The following USP15 variants were observed in gnomAD, a reference collection of about 807,000 sequenced individuals.
USP15 encodes the protein ubiquitin specific peptidase 15, also known as ubiquitin carboxyl-terminal hydrolase 15.
In USP15, 18 loss-of-function variants were observed where a neutral mutation model predicts 127.1. The ratio of observed to expected loss-of-function variants is 0.14; its 90% CI spans 0.10 to 0.21. The LOEUF is 0.21. Ranked by LOEUF, USP15 falls within the 10% of genes least tolerant of loss-of-function variation. The pLI is 1.00. For synonymous variants in USP15, 364 were observed against 393.7 expected (o/e 0.92, Z 0.89); for missense variants, 805 against 1,159.9 (o/e 0.69, Z 4.44).
chr12:62,305,305 A>G lies in USP15; in HGVS notation c.348+2385A>G, dbSNP rs565974077. ...AAAAAATTTCTAATAATAGCCAGAG[A>G]AAAAGACATGTTATCTTCAAAATAA... On this transcript the variant is annotated intron_variant, in intron 3 of 21. Coordinates refer to ENST00000280377, the MANE Select transcript of USP15 (RefSeq NM_001252078.2). Among the ~76,000 whole-genome samples the G allele has an allele frequency of 5.3e-5, 8 of 152,316 alleles. No homozygotes were observed. In the South Asian group the frequency reaches 1.7e-3, roughly 32 times the overall value.
At chr12:62,369,247 T>C (rs556908651) in intron 8 of USP15, among the ~76,000 whole-genome samples, 1 of 152,368 alleles carries the variant, frequency 6.6e-6, no homozygotes, top group African/African-American at 2.4e-5. Flanking sequence ...TTTTATTTCA[T>C]TTATTAGAGC....
chr12:62,392,359 AAAG>A lies in USP15; in HGVS notation c.2395_2397del (p.Glu799del). The A allele has an allele frequency of 6.2e-7, 1 of 1,604,626 alleles. No individual in the cohort carries two copies. Among genetic ancestry groups the A allele is most frequent in the Non-Finnish European group, 8.5e-7 (1 of 1,176,964 alleles). On this transcript the variant is annotated inframe_deletion, in exon 18 of 22. Coordinates refer to ENST00000280377, the MANE Select transcript of USP15 (RefSeq NM_001252078.2). ...AGATTGCATTGAACTTTTTACAACA[AAAG>A]AAAAGCTAGGTGCTGAAGATCCCTG...
chr12:62,315,045 G>C, intron 4 of USP15, 129 bp downstream of exon 4: 2 of 863,034 alleles, frequency 2.3e-6, no homozygotes, highest in Admixed American at 3.3e-5. Context: ...TTCCAGCTTT[G>C]ATACAATGTC....
chr12:62,264,786 CA>C (rs2063155609), intron 1 of USP15, among the ~76,000 whole-genome samples: 1 of 152,114 alleles, frequency 6.6e-6, no homozygotes, highest in African/African-American at 2.4e-5. Flanking sequence ...CACTATTACT[CA>C]ACATGAATTT....
At chr12:62,268,252 C>T (rs1044475296) in intron 1 of USP15, among the ~76,000 whole-genome samples, 2 of 152,012 alleles carry the variant, frequency 1.3e-5, no homozygotes, top group Non-Finnish European at 2.9e-5. Context: ...AACACTTAGT[C>T]AGTGGTAGAG....
chr12:62,347,955 G>C (rs976873245), intron 6 of USP15, among the ~76,000 whole-genome samples: 1 of 152,114 alleles, frequency 6.6e-6, no homozygotes, highest in African/African-American at 2.4e-5. Context: ...TAGTCCCAGT[G>C]CTTTGGGAGG....
At chr12:62,301,594 A>G (rs954117643) in intron 2 of USP15, among the ~76,000 whole-genome samples, 2 of 152,206 alleles carry the variant, frequency 1.3e-5, no homozygotes, top group Non-Finnish European at 2.9e-5. Context: ...AAAAGAGGAC[A>G]TACTATTTTT....
intron 3 of USP15, among the ~76,000 whole-genome samples, chr12:62,311,334 T>A (rs1481281880): frequency 6.6e-6 from 1 of 151,864 alleles, no homozygotes; most frequent in Non-Finnish European, 1.5e-5. Flanking sequence ...GTCTAGAAGC[T>A]GAAGATGTAG....
In USP15 at chr12:62,408,511, A is replaced by G. The variant is rs2137701147; in HGVS notation, c.*4136A>G. 1 of 152,258 alleles carries G rather than the reference A, an allele frequency of 6.6e-6. No homozygotes were observed. Among genetic ancestry groups the G allele is most frequent in the South Asian group, 2.1e-4 (1 of 4,828 alleles). The allele number at this position is 152,258 out of a possible 1,614,324, so 9.4% of individuals were successfully genotyped here. On this transcript the variant is annotated 3_prime_UTR_variant, in exon 22 of 22. Transcript: ENST00000280377. ...GAGCTCCTTTCTAGGGCCATAGAATAAGAGTAGAAGTTTTTGCTCATTTTT... is the reference window on the plus strand; with the variant it reads ...GAGCTCCTTTCTAGGGCCATAGAATGAGAGTAGAAGTTTTTGCTCATTTTT...
At chr12:62,382,613 G>C (rs1418814904) in intron 9 of USP15, among the ~76,000 whole-genome samples, 1 of 151,762 alleles carries the variant, frequency 6.6e-6, no homozygotes, top group Non-Finnish European at 1.5e-5. Flanking sequence ...TGTGTAAATA[G>C]GTTCTTTATG....
At chr12:62,291,645 T>G (rs2063972364) in intron 1 of USP15, among the ~76,000 whole-genome samples, 1 of 152,226 alleles carries the variant, frequency 6.6e-6, no homozygotes, top group East Asian at 1.9e-4. Context: ...TTTCTCAGTT[T>G]GAATTAATTT....
rs2065722457 is a variant in USP15 at position 62,343,714 on chromosome 12, C to T, written c.684-5507C>T. Among the ~76,000 whole-genome samples the T allele has an allele frequency of 2.6e-5, 4 of 152,330 alleles. No individual in the cohort carries two copies. The South Asian group carries it at 8.3e-4, about 32-fold the overall frequency. On this transcript the variant is annotated intron_variant, in intron 6 of 21. Coordinates refer to ENST00000280377, the MANE Select transcript of USP15 (RefSeq NM_001252078.2). ...GCCCCACCCTGCTTCTGCTCACTCT[C>T]TGTGGGTTGTACCCACTACCTAACC...
At chr12:62,335,966 C>T in intron 6 of USP15, 4 of 985,376 alleles carry the variant, frequency 4.1e-6, no homozygotes, top group Non-Finnish European at 4.8e-6. Flanking sequence ...TTAGGGTTGC[C>T]ACATTTAGTT....
intron 7 of USP15, among the ~76,000 whole-genome samples, chr12:62,351,446 A>G (rs2065964660): frequency 1.3e-5 from 2 of 151,418 alleles, no homozygotes; most frequent in East Asian, 3.9e-4. Flanking sequence ...AAGAGAATTC[A>G]TTTACAGGTA....
At chr12:62,373,552 C>T (rs908242802) in intron 8 of USP15, among the ~76,000 whole-genome samples, 1 of 151,882 alleles carries the variant, frequency 6.6e-6, no homozygotes, top group African/African-American at 2.4e-5. Flanking sequence ...AGTTCAAAAA[C>T]CTTGCCTTTA....
rs578086796 is a variant in USP15, at chr12:62,282,440, T to G, written c.90-11739T>G. ...ATGACAATATTCTGTAAAAGTTATG[T>G]GGATGTGGTTTCTCAAAATACCTTA... On this transcript the variant is annotated intron_variant, in intron 1 of 21. Transcript: ENST00000280377. 7.9e-5 allele frequency among the ~76,000 whole-genome samples: 12 copies of G among 152,304 alleles called. No individual in the cohort carries two copies. The South Asian group carries it at 2.5e-3, about 32-fold the overall frequency.
intron 1 of USP15, among the ~76,000 whole-genome samples, chr12:62,265,527 C>T (rs978461023): frequency 2.0e-5 from 3 of 152,070 alleles, no homozygotes; most frequent in Non-Finnish European, 4.4e-5. Context: ...AGCACTGTAC[C>T]ACATTGCCTC....
intron 8 of USP15, among the ~76,000 whole-genome samples, chr12:62,375,466 G>A (rs1298587763): frequency 2.0e-5 from 3 of 152,076 alleles, no homozygotes; most frequent in African/African-American, 7.2e-5. Context: ...CTGTTTGAGT[G>A]TGCCCGATAT....
At chr12:62,388,371 G>A (rs954205194) in intron 11 of USP15, among the ~76,000 whole-genome samples, 4 of 152,230 alleles carry the variant, frequency 2.6e-5, no homozygotes, top group African/African-American at 4.8e-5. Flanking sequence ...GGGCTTAAGC[G>A]ATTCACCTGC....
Sources: allele counts gnomAD v4.1 joint callset (sites outside exome capture counted in the v4.1 genomes callset), GRCh38; gene constraint gnomAD v4.1.1; transcripts MANE v1.5; gene names NCBI Gene and HGNC (gene_info 2026-07-23, HGNC 2026-07-21).